UBE2E3: variants seen among roughly 807,000 people sequenced by gnomAD.
The protein encoded by UBE2E3 is ubiquitin-conjugating enzyme E2 E3.
In UBE2E3, 5 loss-of-function variants were observed where a neutral mutation model predicts 23.6. The observed-to-expected ratio is 0.21, with a 90% CI of 0.11 to 0.44. The LOEUF is 0.44. Among genes scored for constraint, UBE2E3 ranks in the 20% least tolerant of loss-of-function variants. UBE2E3 has a pLI of 0.99. For missense variants in UBE2E3, 81 were observed against 249.8 expected (o/e 0.32, Z 4.55); for synonymous variants, 78 against 87.5 (o/e 0.89, Z 0.60).
At chr2:181,039,642 A>G (rs1328511735) in intron 3 of UBE2E3, among the ~76,000 whole-genome samples, 2 of 143,304 alleles carry the variant, frequency 1.4e-5, no homozygotes, top group Non-Finnish European at 3.2e-5. Flanking sequence ...AATTTTGGCT[A>G]TGATAAAATT....
At chr2:181,050,355 G>A (rs921654314) in intron 3 of UBE2E3, among the ~76,000 whole-genome samples, 1 of 151,768 alleles carries the variant, frequency 6.6e-6, no homozygotes, top group East Asian at 1.9e-4. Flanking sequence ...CACATCCTAA[G>A]TGCTAAAAGA....
chr2:181,005,592 A>G (rs1685126850), intron 3 of UBE2E3, among the ~76,000 whole-genome samples: 1 of 152,056 alleles, frequency 6.6e-6, no homozygotes, highest in South Asian at 2.1e-4. Context: ...ACCTCTTCCT[A>G]TTATGATGGT....
intron 3 of UBE2E3, 134 bp from the exon 4 acceptor site, chr2:181,057,559 C>G (rs1687023293): frequency 3.0e-6 from 2 of 674,630 alleles, no homozygotes; most frequent in South Asian, 5.1e-5. Context: ...CACATTGGGG[C>G]TTATTTCTTT....
At position 180,980,806 on chromosome 2, in the gene UBE2E3, C is replaced by T. The variant is rs1266333763; in HGVS notation, c.-193C>T. The T allele has an allele frequency of 1.3e-5, 2 of 149,276 alleles. No individual in the cohort carries two copies. The highest frequency in any genetic ancestry group is 6.6e-5 in the Admixed American group (1 of 15,066). The allele number at this position is 149,276 out of a possible 1,614,324, so 9.2% of individuals were successfully genotyped here. On this transcript the variant is annotated 5_prime_UTR_variant, in exon 1 of 6. Transcript: ENST00000410062. This position sits in a 1 kb window ranked among gnomAD's most constrained non-coding sequence, Gnocchi z 5.5. ...GAGCCCGGCACTGCACAACCCCCTCCGACTTTCAATGTTCCACACTCCCCG... is the reference window on the plus strand; with the variant it reads ...GAGCCCGGCACTGCACAACCCCCTCTGACTTTCAATGTTCCACACTCCCCG...
intron 3 of UBE2E3, among the ~76,000 whole-genome samples, chr2:180,996,866 A>C (rs1168309468): frequency 6.6e-6 from 1 of 152,164 alleles, no homozygotes. Flanking sequence ...ATTGTCTGAT[A>C]TGCAAAAAAA....
At chr2:181,061,775 CT>C (rs58811030) in intron 5 of UBE2E3, among the ~76,000 whole-genome samples, 74,495 of 144,780 alleles carry the variant, frequency 0.51, 19,559 homozygotes, top group East Asian at 0.76. Flanking sequence ...GTTATGTGAC[CT>C]TTTTTTTTTT....
chr2:181,012,705 G>A (rs924023876), intron 3 of UBE2E3, among the ~76,000 whole-genome samples: 1 of 152,080 alleles, frequency 6.6e-6, no homozygotes, highest in African/African-American at 2.4e-5. Context: ...CATATCCCTA[G>A]TTGTTAGTTA....
At chr2:181,036,461 G>A (rs1211569322) in intron 3 of UBE2E3, among the ~76,000 whole-genome samples, 1 of 152,206 alleles carries the variant, frequency 6.6e-6, no homozygotes, top group African/African-American at 2.4e-5. Context: ...CCATTGTGTG[G>A]AGTTTGCATC....
chr2:181,002,621 A>G lies in UBE2E3; in HGVS notation c.245+18528A>G, dbSNP rs143757134. Among the ~76,000 whole-genome samples the G allele has an allele frequency of 3.9e-5, 6 of 152,340 alleles. No homozygotes were observed. In the East Asian group the frequency reaches 1.2e-3, roughly 29 times the overall value. On this transcript the variant is annotated intron_variant, in intron 3 of 5. Coordinates refer to ENST00000410062, the MANE Select transcript of UBE2E3 (RefSeq NM_006357.4). ...AATGAATTTTAAGATTTTTAAACTC[A>G]AATATGAAAAATTACTAATGTAATA... is the stretch of plus-strand genomic sequence containing the variant.
chr2:181,041,661 C>A (rs1265218616), intron 3 of UBE2E3, among the ~76,000 whole-genome samples: 2 of 149,798 alleles, frequency 1.3e-5, no homozygotes, highest in Admixed American at 1.3e-4. Flanking sequence ...TGGTCTCGAA[C>A]TCCTGACCTT....
At chr2:180,994,084 C>A (rs1055587754) in intron 3 of UBE2E3, among the ~76,000 whole-genome samples, 1 of 152,054 alleles carries the variant, frequency 6.6e-6, no homozygotes, top group African/African-American at 2.4e-5. Context: ...TTTAATTTTT[C>A]TTCATTTTAT....
At chr2:181,037,526 T>C (rs76715735) in intron 3 of UBE2E3, among the ~76,000 whole-genome samples, 2,738 of 152,194 alleles carry the variant, frequency 0.018, 67 homozygotes, top group African/African-American at 0.062. Flanking sequence ...AAAAAAAGTT[T>C]AAAAAATTAA....
At chr2:181,060,176 C>T (rs1218295925) in intron 4 of UBE2E3, among the ~76,000 whole-genome samples, 1 of 151,700 alleles carries the variant, frequency 6.6e-6, no homozygotes, top group Non-Finnish European at 1.5e-5. Context: ...TCTTCTAAAT[C>T]CTCCAGTATT....
At chr2:180,992,110 AGTT>A (rs1373591530) in intron 3 of UBE2E3, among the ~76,000 whole-genome samples, 1 of 151,876 alleles carries the variant, frequency 6.6e-6, no homozygotes, top group Non-Finnish European at 1.5e-5. Flanking sequence ...TTGGTTTCTC[AGTT>A]GTTGTTTTTG....
intron 2 of UBE2E3, among the ~76,000 whole-genome samples, chr2:180,983,841 C>A (rs1684374804): frequency 6.6e-6 from 1 of 152,110 alleles, no homozygotes; most frequent in Admixed American, 6.5e-5. Context: ...TTTGCAGCAG[C>A]AAGTGAGAAA....
At chr2:181,058,086 C>T (rs1687035819) in intron 4 of UBE2E3, among the ~76,000 whole-genome samples, 1 of 151,498 alleles carries the variant, frequency 6.6e-6, no homozygotes, top group Non-Finnish European at 1.5e-5. Flanking sequence ...AAATTTTATG[C>T]TTATGAGGGA....
chr2:181,037,013 T>C lies in UBE2E3; in HGVS notation c.246-20680T>C, dbSNP rs534135526. Among the ~76,000 whole-genome samples the C allele has an allele frequency of 5.9e-5, 9 of 152,332 alleles. No individual in the cohort carries two copies. The South Asian group carries it at 6.2e-4, about 11-fold the overall frequency. ...TGTGACCTCACATCATCCATAGTTA[T>C]GCATTGTATAATGACATTTTGATGA... On this transcript the variant is annotated intron_variant, in intron 3 of 5. Coordinates refer to ENST00000410062, the MANE Select transcript of UBE2E3 (RefSeq NM_006357.4).
At chr2:180,989,640 A>G (rs1199873533) in intron 3 of UBE2E3, among the ~76,000 whole-genome samples, 2 of 152,202 alleles carry the variant, frequency 1.3e-5, no homozygotes, top group Non-Finnish European at 2.9e-5. Context: ...CAAAAGAGTG[A>G]CCAACTGAAA....
At chr2:181,001,589 A>G (rs191851094) in intron 3 of UBE2E3, among the ~76,000 whole-genome samples, 4 of 152,304 alleles carry the variant, frequency 2.6e-5, no homozygotes, top group Admixed American at 6.5e-5. Flanking sequence ...GAAGAAAAAA[A>G]TAAAGGAGAT....
Sources: gnomAD v4.1 joint callset for allele counts (sites outside exome capture counted in the v4.1 genomes callset) on GRCh38, gnomAD v4.1.1 for gene constraint, Gnocchi (gnomAD v3.1) non-coding constraint, MANE v1.5 for transcripts, NCBI Gene and HGNC (gene_info 2026-07-23, HGNC 2026-07-21) for gene names.